CEP112: variants seen among roughly 807,000 people sequenced by gnomAD.
The protein encoded by CEP112 is centrosomal protein 112.
A neutral mutation model predicts 153.0 loss-of-function variants in CEP112; 127 were observed. That is an observed-to-expected ratio of 0.83 (90% CI 0.72 to 0.96). CEP112 has a LOEUF of 0.96. Among genes scored for constraint, CEP112 ranks in the 40% least tolerant of loss-of-function variants. CEP112 has a pLI of 0.00. For synonymous variants in CEP112, 358 were observed against 374.4 expected, an observed-to-expected ratio of 0.96 and a Z score of 0.51; for missense variants, 1,089 against 1,101.2, an observed-to-expected ratio of 0.99 and a Z score of 0.16.
chr17:65,656,335 C>T (rs906348567), intron 24 of CEP112, among the ~76,000 whole-genome samples: 1 of 152,202 alleles, frequency 6.6e-6, no homozygotes, highest in African/African-American at 2.4e-5. Flanking sequence ...AAACTAAGCC[C>T]TTTATCAATC....
At chr17:66,089,095 C>A (rs1417791782) in intron 8 of CEP112, among the ~76,000 whole-genome samples, 2 of 152,184 alleles carry the variant, frequency 1.3e-5, no homozygotes, top group Non-Finnish European at 2.9e-5. Flanking sequence ...AGATACCAGG[C>A]CCACCCACTT....
chr17:65,990,045 A>T (rs1448847702), intron 17 of CEP112, among the ~76,000 whole-genome samples: 2 of 152,246 alleles, frequency 1.3e-5, no homozygotes, highest in Admixed American at 6.5e-5. Flanking sequence ...AAAAATAAAA[A>T]GCAATTAATT....
chr17:65,941,904 C>G (rs1238769329), intron 18 of CEP112, among the ~76,000 whole-genome samples: 1 of 152,080 alleles, frequency 6.6e-6, no homozygotes. Flanking sequence ...TGCCTCAAGT[C>G]TTCCAAGTAG....
intron 21 of CEP112, among the ~76,000 whole-genome samples, chr17:65,793,474 C>T (rs918525357): frequency 6.6e-6 from 1 of 152,116 alleles, no homozygotes; most frequent in South Asian, 2.1e-4. Flanking sequence ...ACACATCCTG[C>T]GCATGTACCC....
At chr17:66,033,574 T>C (rs2065585516) in intron 12 of CEP112, among the ~76,000 whole-genome samples, 1 of 152,200 alleles carries the variant, frequency 6.6e-6, no homozygotes, top group African/African-American at 2.4e-5. Context: ...CTGTTCTCTC[T>C]GCCTAAAGCA....
chr17:65,951,736 T>TCCCC (rs1491455034), intron 18 of CEP112, among the ~76,000 whole-genome samples: 5 of 96,208 alleles, frequency 5.2e-5, no homozygotes, highest in African/African-American at 1.0e-4. Context: ...TGCTCTAATC[T>TCCCC]TCCCCCGCCC....
chr17:66,026,319 GCCTAAGGTATTAAGTGTGTCAATAACCC>G (rs1318494181), intron 16 of CEP112, among the ~76,000 whole-genome samples: 1 of 152,078 alleles, frequency 6.6e-6, no homozygotes, highest in Non-Finnish European at 1.5e-5. Flanking sequence ...GCACTTTACT[GCCTAAGGTATTAAGTGTGTCAATAACCC>G]CCTAGTTATT....
chr17:65,890,963 C>T (rs1208097491), intron 20 of CEP112, among the ~76,000 whole-genome samples: 1 of 152,184 alleles, frequency 6.6e-6, no homozygotes, highest in Non-Finnish European at 1.5e-5. Flanking sequence ...ACATTCTTTA[C>T]TCATATCTGT....
chr17:65,659,040 A>AAT lies in CEP112; in HGVS notation c.2698-17977_2698-17976dup, dbSNP rs1555606196. ...CAAAAAAAAAAAAAAAAAAAAAAAA[A>AAT]ATATCAGACCATTTCTATCCCCTGC... On this transcript the variant is annotated intron_variant, in intron 24 of 26. Coordinates refer to ENST00000535342, the MANE Select transcript of CEP112 (RefSeq NM_001199165.4). Among the ~76,000 whole-genome samples the AAT allele has an allele frequency of 3.1e-4, 46 of 149,820 alleles. 6 individuals carry two copies. The highest frequency in any genetic ancestry group is 1.1e-3 in the African/African-American group (45 of 39,838).
At chr17:66,161,307 A>G (rs1465018581) in intron 4 of CEP112, among the ~76,000 whole-genome samples, 1 of 152,198 alleles carries the variant, frequency 6.6e-6, no homozygotes, top group Non-Finnish European at 1.5e-5. Context: ...CAGAAATACC[A>G]TTTGACCTAG....
chr17:65,694,300 T>C (rs1043296464), intron 23 of CEP112, among the ~76,000 whole-genome samples: 4 of 152,044 alleles, frequency 2.6e-5, no homozygotes, highest in African/African-American at 7.2e-5. Context: ...GAGGAGAAGT[T>C]AGGATGACAT....
chr17:65,868,138 G>C (rs2058544263), intron 20 of CEP112, among the ~76,000 whole-genome samples: 1 of 152,024 alleles, frequency 6.6e-6, no homozygotes, highest in South Asian at 2.1e-4. Context: ...CAAAACTTCA[G>C]ATTTTTATTT....
At chr17:66,011,610 T>C (rs1173687305) in intron 16 of CEP112, among the ~76,000 whole-genome samples, 1 of 152,112 alleles carries the variant, frequency 6.6e-6, no homozygotes, top group African/African-American at 2.4e-5. Flanking sequence ...CTTTTTTTAT[T>C]TGCTGAGGAT....
intron 12 of CEP112, among the ~76,000 whole-genome samples, chr17:66,031,343 A>C (rs60314408): frequency 0.51 from 78,050 of 151,778 alleles, 20,985 homozygotes; most frequent in African/African-American, 0.59. Flanking sequence ...GACAAGATAA[A>C]CTAAAAATAG....
chr17:65,809,883 A>C (rs905163710), intron 21 of CEP112, among the ~76,000 whole-genome samples: 5 of 152,148 alleles, frequency 3.3e-5, no homozygotes, highest in Non-Finnish European at 7.4e-5. Flanking sequence ...GTGTTACTAA[A>C]GGAGATGGAG....
At chr17:66,118,022 G>A (rs189362647) in intron 6 of CEP112, among the ~76,000 whole-genome samples, 35 of 152,260 alleles carry the variant, frequency 2.3e-4, no homozygotes, top group African/African-American at 2.2e-4. Flanking sequence ...GGATGCTGAC[G>A]AGGATGTGGA....
intron 16 of CEP112, among the ~76,000 whole-genome samples, chr17:66,019,999 A>G (rs2064936701): frequency 6.6e-6 from 1 of 152,246 alleles, no homozygotes. Context: ...AGCAGGATGT[A>G]ATGAAGTTTG....
intron 8 of CEP112, among the ~76,000 whole-genome samples, chr17:66,074,337 T>C (rs2067405630): frequency 6.6e-6 from 1 of 152,228 alleles, no homozygotes; most frequent in Admixed American, 6.5e-5. Context: ...AATAACACTT[T>C]GGAAACTGTG....
intron 15 of CEP112, 92 bp from the exon 16 acceptor site, chr17:66,027,652 A>C: frequency 1.1e-6 from 1 of 946,824 alleles, no homozygotes; most frequent in Non-Finnish European, 1.4e-6. Context: ...AATCTACTTA[A>C]TGTCAAACTT....
Sources: allele counts gnomAD v4.1 joint callset (sites outside exome capture counted in the v4.1 genomes callset), GRCh38; gene constraint gnomAD v4.1.1; transcripts MANE v1.5; gene names NCBI Gene and HGNC (gene_info 2026-07-23, HGNC 2026-07-21).